Variants in ANXA6 observed in about 807,000 individuals in gnomAD.
ANXA6 encodes the protein 67 kDa calelectrin.
Under a neutral mutation model 95.4 loss-of-function variants are expected in ANXA6, and 71 were observed. The observed-to-expected ratio is 0.74, with a 90% CI of 0.61 to 0.91. The LOEUF (loss-of-function observed/expected upper bound fraction) is 0.91. Ranked by LOEUF, ANXA6 falls within the 40% of genes least tolerant of loss-of-function variation. The probability of loss-of-function intolerance (pLI) is 0.00; values close to 1 mark genes in which losing one functional copy is unlikely to be tolerated. For missense variants in ANXA6, 830 were observed against 876.4 expected (o/e 0.95, Z 0.67); for synonymous variants, 289 against 315.9 (o/e 0.91, Z 0.90).
At chr5:151,148,495 A>G (rs1174660137) in intron 1 of ANXA6, among the ~76,000 whole-genome samples, 2 of 152,202 alleles carry the variant, frequency 1.3e-5, no homozygotes, top group Admixed American at 1.3e-4. Flanking sequence ...GCAATATCTG[A>G]AGGACTGTCA....
chr5:151,126,538 A>C, intron 13 of ANXA6, 58 bp from the exon 14 acceptor site: 18 of 1,056,820 alleles, frequency 1.7e-5, no homozygotes, highest in Non-Finnish European at 2.4e-5. Context: ...GGCAACACTC[A>C]CACCAACACA....
chr5:151,135,837 A>C (rs1284656694), intron 7 of ANXA6, among the ~76,000 whole-genome samples: 1 of 152,184 alleles, frequency 6.6e-6, no homozygotes, highest in South Asian at 2.1e-4. Context: ...AAAAAATCCA[A>C]CTTGGCAGGT....
At position 151,147,870 on chromosome 5, in the gene ANXA6, G is replaced by T; in HGVS notation, c.18+14C>A. The T allele has an allele frequency of 6.3e-7, 1 of 1,598,138 alleles. No individual in the cohort carries two copies. Among genetic ancestry groups the T allele is most frequent in the Admixed American group, 1.7e-5 (1 of 57,760 alleles). On this transcript the variant is annotated intron_variant, in intron 2 of 25. Transcript: ENST00000354546. ...AAGGCTGAGTACCACCTTCAGGAAA[G>T]AGAGGCCCCTTACCTGTGCTGGTTT... is the stretch of plus-strand genomic sequence containing the variant.
At position 151,124,355 on chromosome 5, in the gene ANXA6, C is replaced by G; in HGVS notation, c.1069G>C (p.Val357Leu). ...GGGTTGAAGTCATTGGCTGGGCGCA[C>G]AGTTCCCTTCAGCTGTGAGAAGCAG... ...AVARVELKGT[V>L]RPANDFNPDA... Residue 357 changes from valine to leucine, a missense_variant, in exon 15 of 26, where the codon GTG (valine) becomes CTG (leucine). Transcript: ENST00000354546. The G allele has an allele frequency of 1.2e-6, 2 of 1,611,136 alleles. No individual in the cohort carries two copies. Among genetic ancestry groups the G allele is most frequent in the Non-Finnish European group, 1.7e-6 (2 of 1,178,752 alleles).
intron 14 of ANXA6, 49 bp from the exon 15 acceptor site, chr5:151,124,416 GGACCAGGCTGAAA>G (rs1765257843): frequency 1.3e-6 from 2 of 1,551,556 alleles, no homozygotes; most frequent in South Asian, 2.3e-5. Context: ...GCCCCCCTGG[GGACCAGGCTGAAA>G]GACAGCATGC....
intron 5 of ANXA6, among the ~76,000 whole-genome samples, chr5:151,138,446 T>C (rs1279028862): frequency 4.6e-5 from 7 of 152,166 alleles, no homozygotes; most frequent in Admixed American, 4.6e-4. Context: ...CCCTATAACC[T>C]GTATCCTTGG....
At position 151,139,392 on chromosome 5, in the gene ANXA6, C is replaced by A; in HGVS notation, c.165G>T (p.Arg55Ser). ...ACTTGTAGCTCTGGCAGACCTCCTGCCTCTGCCTGTTGCTCCGTGAGGTGA... is the reference window on the plus strand; with the variant it reads ...ACTTGTAGCTCTGGCAGACCTCCTGACTCTGCCTGTTGCTCCGTGAGGTGA... ...DIITSRSNRQRQEVCQSYKSL... is the reference protein window; with the variant it reads ...DIITSRSNRQSQEVCQSYKSL... The change falls in exon 4 of 26, where the codon AGG (arginine) becomes AGT (serine). Residue 55 changes from arginine to serine, a missense_variant. Arg to Ser is a moderately radical substitution (Grantham distance 110). Transcript: ENST00000354546. The A allele has an allele frequency of 6.2e-7, 1 of 1,613,476 alleles. No individual in the cohort carries two copies. Among genetic ancestry groups the A allele is most frequent in the South Asian group, 1.1e-5 (1 of 91,050 alleles).
intron 16 of ANXA6, 42 bp downstream of exon 16, chr5:151,122,875 G>C: frequency 1.3e-6 from 2 of 1,563,068 alleles, no homozygotes; most frequent in Non-Finnish European, 1.8e-6. Flanking sequence ...ATCAGGCAAG[G>C]TGCATGCATG....
intron 20 of ANXA6, 113 bp downstream of exon 20, chr5:151,117,014 G>T: frequency 3.2e-6 from 3 of 934,698 alleles, no homozygotes; most frequent in South Asian, 2.1e-5. Context: ...AACCAACCAC[G>T]CCCCTGCCAG....
Position 151,122,991 on chromosome 5 carries a change from T to C in ANXA6, c.1159A>G (p.Ile387Val), listed in dbSNP as rs758525003. ...KGLGTDEDTI[I>V]DIITHRSNVQ... ...TTGCTGCGGTGCGTGATGATATCGA[T>C]GATTGTGTCTTCGTCAGTCCCTGAG... is the stretch of plus-strand genomic sequence containing the variant. Residue 387 changes from isoleucine (I) to valine (V), a missense_variant, in exon 16 of 26, where the codon ATC (isoleucine) becomes GTC (valine). By Grantham distance (29) the Ile-to-Val change is conservative. Transcript: ENST00000354546. 4 of 1,613,796 alleles carry C rather than the reference T, an allele frequency of 2.5e-6. No homozygotes were observed. Among genetic ancestry groups the C allele is most frequent in the Non-Finnish European group, 3.4e-6 (4 of 1,179,878 alleles).
At chr5:151,154,752 G>C (rs1582024352) in intron 1 of ANXA6, 1 of 152,352 alleles carries the variant, frequency 6.6e-6, no homozygotes, top group East Asian at 1.9e-4. Flanking sequence ...TCCTAGGACT[G>C]GACAAGGCCT....
At chr5:151,105,641 G>C (rs1244837557) in intron 23 of ANXA6, among the ~76,000 whole-genome samples, 4 of 152,186 alleles carry the variant, frequency 2.6e-5, no homozygotes, top group Non-Finnish European at 4.4e-5. Context: ...CACCCAAAAA[G>C]CTTGTTTAAA....
In ANXA6 at chr5:151,134,599, A is replaced by G. The variant is rs370747364; in HGVS notation, c.490-116T>C. 5 of 999,180 alleles carry G rather than the reference A, an allele frequency of 5.0e-6. No homozygotes were observed. In the East Asian group the frequency reaches 9.5e-5, roughly 19 times the overall value. The allele number at this position is 999,180 out of a possible 1,614,324, so 61.9% of individuals were successfully genotyped here. A position where few individuals can be genotyped will look rare whatever the true frequency, so the allele number is the denominator to read the frequency against. ...AAACCCTGGTGGCCCAGATGTGTCC[A>G]GAAGCAGTGACTGCTATTGCATGAA... On this transcript the variant is annotated intron_variant, in intron 7 of 25. Coordinates refer to ENST00000354546, the MANE Select transcript of ANXA6 (RefSeq NM_001155.5).
chr5:151,108,577 G>A (rs372412229), intron 22 of ANXA6, 27 bp from the exon 23 acceptor site: 4 of 1,603,986 alleles, frequency 2.5e-6, no homozygotes, highest in Non-Finnish European at 3.4e-6. Context: ...CCCCAGAGGT[G>A]GGGGTGAGCT....
At chr5:151,136,109 G>T in intron 7 of ANXA6, 147 bp downstream of exon 7, 1 of 675,140 alleles carries the variant, frequency 1.5e-6, no homozygotes, top group Non-Finnish European at 2.5e-6. Flanking sequence ...AGGACTGTGT[G>T]CCAAAGAGAA....
chr5:151,144,253 A>T (rs918140008), intron 2 of ANXA6, among the ~76,000 whole-genome samples: 12 of 152,198 alleles, frequency 7.9e-5, no homozygotes, highest in Non-Finnish European at 1.8e-4. Context: ...AGTATCTGGC[A>T]TTCTTTACTA....
At chr5:151,129,664 C>T in intron 11 of ANXA6, 135 bp from the exon 12 acceptor site, 2 of 969,842 alleles carry the variant, frequency 2.1e-6, no homozygotes, top group Non-Finnish European at 3.0e-6. Context: ...CATTGCCATT[C>T]CCATTGAAGC....
chr5:151,117,270 T>G, intron 19 of ANXA6, 90 bp from the exon 20 acceptor site: 1 of 1,281,326 alleles, frequency 7.8e-7, no homozygotes, highest in Non-Finnish European at 1.1e-6. Context: ...TTTTCACCTC[T>G]CTGAATGCTC....
At chr5:151,137,003 T>A (rs1480969423) in intron 6 of ANXA6, among the ~76,000 whole-genome samples, 4 of 152,222 alleles carry the variant, frequency 2.6e-5, no homozygotes, top group Non-Finnish European at 2.9e-5. Context: ...CTTCATTATC[T>A]CATTATCTCA....
Sources: gnomAD v4.1 joint callset for allele counts (sites outside exome capture counted in the v4.1 genomes callset) on GRCh38, gnomAD v4.1.1 for gene constraint, MANE v1.5 for transcripts, NCBI Gene and HGNC (gene_info 2026-07-23, HGNC 2026-07-21) for gene names.